TCP10L: variants seen among roughly 807,000 people sequenced by gnomAD.
The protein encoded by TCP10L is T-complex protein 10A homolog 1.
A neutral mutation model predicts 19.2 loss-of-function variants in TCP10L; 11 were observed. The observed-to-expected ratio is 0.57, with a 90% CI of 0.36 to 0.95. The LOEUF is 0.95. Among genes scored for constraint, TCP10L ranks in the 40% least tolerant of loss-of-function variants. The pLI is 0.01. For synonymous variants in TCP10L, 96 were observed against 97.2 expected (o/e 0.99, Z 0.07); for missense variants, 247 against 263.9 (o/e 0.94, Z 0.44).
At position 32,578,175 on chromosome 21, in the gene TCP10L, T is replaced by C. The variant is rs1174800968; in HGVS notation, c.498+519A>G. Among the ~76,000 whole-genome samples the C allele has an allele frequency of 6.6e-6, 1 of 152,254 alleles. No homozygotes were observed. The highest frequency in any genetic ancestry group is 1.5e-5 in the Non-Finnish European group (1 of 68,044). On this transcript the variant is annotated intron_variant, in intron 4 of 4. Coordinates refer to ENST00000300258, the MANE Select transcript of TCP10L (RefSeq NM_144659.7). The surrounding 1 kb of genome is among the most constrained non-coding windows in gnomAD (Gnocchi z 4.2). ...CAGAGATTTTGTTTGTGGCCAGTTTTGGGGCCAGTTTATGGCCAGATCTGG... is the reference window on the plus strand; with the variant it reads ...CAGAGATTTTGTTTGTGGCCAGTTTCGGGGCCAGTTTATGGCCAGATCTGG...
At position 32,583,024 on chromosome 21, in the gene TCP10L, C is replaced by CTTTTTTTT. The variant is rs59972145; in HGVS notation, c.145-617_145-610dup. The stretch of plus-strand genomic sequence containing the variant: ...GCAAAAAGAGGCTGGCATTCTTTTC[C>CTTTTTTTT]TTTTTTTTTTTTTTTTTTTTTTTTT... On this transcript the variant is annotated intron_variant, in intron 2 of 4. Coordinates refer to ENST00000300258, the MANE Select transcript of TCP10L (RefSeq NM_144659.7). Among the ~76,000 whole-genome samples the CTTTTTTTT allele has an allele frequency of 7.4e-5, 7 of 94,800 alleles. 1 individual carries two copies. Among genetic ancestry groups the CTTTTTTTT allele is most frequent in the Admixed American group, 2.3e-4 (2 of 8,550 alleles). 62.2% of individuals were successfully genotyped at this position (94,800 alleles called of 152,430 possible). A position where few individuals can be genotyped will look rare whatever the true frequency, so the allele number is the denominator to read the frequency against.
Position 32,576,880 on chromosome 21 carries a change from GGT to G in TCP10L, c.540_541del (p.Pro181ThrfsTer5). ...ATTTTTATCTCTATTTTCCTGTGGTGGTGTTTTCCACGAGCTAATTCTTTCTA... is the reference window on the plus strand; with the variant it reads ...ATTTTTATCTCTATTTTCCTGTGGTGGTTTTCCACGAGCTAATTCTTTCTA... On this transcript the variant is annotated frameshift_variant, in exon 5 of 5. Transcript: ENST00000300258. LOFTEE classifies it low-confidence loss of function (END_TRUNC). 6.2e-7 allele frequency: 1 copy of G among 1,614,028 alleles called. No individual in the cohort carries two copies. Among genetic ancestry groups the G allele is most frequent in the Non-Finnish European group, 8.5e-7 (1 of 1,179,994 alleles).
At chr21:32,577,191 T>C (rs2146523524) in intron 4 of TCP10L, among the ~76,000 whole-genome samples, 1 of 152,346 alleles carries the variant, frequency 6.6e-6, no homozygotes, top group African/African-American at 2.4e-5. Context: ...AAATGCATAA[T>C]AAAAATAATT....
Position 32,576,356 on chromosome 21 carries a change from C to A in TCP10L, c.*418G>T. 7.3e-7 allele frequency: 1 copy of A among 1,374,900 alleles called. No individual in the cohort carries two copies. Among genetic ancestry groups the A allele is most frequent in the Non-Finnish European group, 1.0e-6 (1 of 993,716 alleles). The allele number at this position is 1,374,900 out of a possible 1,614,324, so 85.2% of individuals were successfully genotyped here. ...AATGACAGTCACAGGCCCGCCTTGTCACAAGGTCCCTGGAGCGGGCAATGC... is the reference window on the plus strand; with the variant it reads ...AATGACAGTCACAGGCCCGCCTTGTAACAAGGTCCCTGGAGCGGGCAATGC... On this transcript the variant is annotated 3_prime_UTR_variant, in exon 5 of 5. Coordinates refer to ENST00000300258, the MANE Select transcript of TCP10L (RefSeq NM_144659.7).
Position 32,576,348 on chromosome 21 carries a change from C to T in TCP10L, c.*426G>A, listed in dbSNP as rs559685122. The T allele has an allele frequency of 1.2e-4, 170 of 1,412,992 alleles. No individual in the cohort carries two copies. Among genetic ancestry groups the T allele is most frequent in the East Asian group, 3.2e-4 (13 of 40,936 alleles). The allele number at this position is 1,412,992 out of a possible 1,614,324, so 87.5% of individuals were successfully genotyped here. ...CCTGGGGCAATGACAGTCACAGGCC[C>T]GCCTTGTCACAAGGTCCCTGGAGCG... On this transcript the variant is annotated 3_prime_UTR_variant, in exon 5 of 5. Coordinates refer to ENST00000300258, the MANE Select transcript of TCP10L (RefSeq NM_144659.7).
At chr21:32,581,554 G>A (rs1458641331) in intron 3 of TCP10L, among the ~76,000 whole-genome samples, 2 of 152,082 alleles carry the variant, frequency 1.3e-5, no homozygotes, top group Admixed American at 6.5e-5. Context: ...AGACACTGCC[G>A]TGGGGTCAGA....
rs897527661 is a variant in TCP10L at position 32,574,129 on chromosome 21, C to T, written c.*2645G>A. On this transcript the variant is annotated 3_prime_UTR_variant, in exon 5 of 5. Transcript: ENST00000300258. Reference sequence around the variant, plus strand: ...TAAGTTCACAGCCCAAATTTCCTGCCGTAGAGAAAATAATTTCATTTTATT... The same window carrying T: ...TAAGTTCACAGCCCAAATTTCCTGCTGTAGAGAAAATAATTTCATTTTATT... 1 of 151,490 alleles carries T rather than the reference C, an allele frequency of 6.6e-6. No homozygotes were observed. Among genetic ancestry groups the T allele is most frequent in the Non-Finnish European group, 1.5e-5 (1 of 67,904 alleles). 9.4% of individuals were successfully genotyped at this position (151,490 alleles called of 1,614,324 possible). A position where few individuals can be genotyped will look rare whatever the true frequency, so the allele number is the denominator to read the frequency against.
In TCP10L at chr21:32,578,715, A is replaced by G; in HGVS notation, c.477T>C (p.Ser159=). The G allele has an allele frequency of 6.2e-7, 1 of 1,614,126 alleles. No individual in the cohort carries two copies. The highest frequency in any genetic ancestry group is 1.1e-5 in the South Asian group (1 of 91,046). ...SATLLGQRSS[S]NNSAPPKPMS... is the part of the protein sequence containing the mutation. Reference sequence around the variant, plus strand: ...TCACCTTTGGAGGAGCTGAATTGTTAGATGACGATCTTTGTCCCAGGAGAG... The same window carrying G: ...TCACCTTTGGAGGAGCTGAATTGTTGGATGACGATCTTTGTCCCAGGAGAG... The change falls in exon 4 of 5, where the codon TCT becomes TCC. Residue 159 remains serine (S), a synonymous_variant. Transcript: ENST00000300258. The surrounding 1 kb of genome is among the most constrained non-coding windows in gnomAD (Gnocchi z 4.2).
intron 3 of TCP10L, among the ~76,000 whole-genome samples, chr21:32,580,476 C>CTGTGTGTGTGTGTGTGTGTGTGTGTG (rs3056366): frequency 7.3e-6 from 1 of 137,236 alleles, no homozygotes; most frequent in African/African-American, 2.7e-5. Flanking sequence ...CGGTGGGTGC[C>CTGTGTGTGTGTGTGTGTGTGTGTGTG]TGTGTGTGTG....
In TCP10L at chr21:32,576,379, T is replaced by C. The variant is rs1007051798; in HGVS notation, c.*395A>G. On this transcript the variant is annotated 3_prime_UTR_variant, in exon 5 of 5. Coordinates refer to ENST00000300258, the MANE Select transcript of TCP10L (RefSeq NM_144659.7). ...GTCACAAGGTCCCTGGAGCGGGCAA[T>C]GCCTTGAGCCCAAAGGCTGGGAGCA... is the stretch of plus-strand genomic sequence containing the variant. 5 of 1,177,514 alleles carry C rather than the reference T, an allele frequency of 4.2e-6. No individual in the cohort carries two copies. The Admixed American group carries it at 9.3e-5, about 22-fold the overall frequency. 72.9% of individuals were successfully genotyped at this position (1,177,514 alleles called of 1,614,324 possible). A position where few individuals can be genotyped will look rare whatever the true frequency, so the allele number is the denominator to read the frequency against.
Position 32,578,781 on chromosome 21 carries a change from C to A in TCP10L, c.411G>T (p.Glu137Asp). 6.2e-7 allele frequency: 1 copy of A among 1,614,154 alleles called. No individual in the cohort carries two copies. Among genetic ancestry groups the A allele is most frequent in the South Asian group, 1.1e-5 (1 of 91,082 alleles). ...TGTGGCCAGCGTATTTGGGTATTGT[C>A]TCTTCATCAGCTGACAGAGGTGAAA... ...GKISPLSADE[E>D]TIPKYAGHKN... Residue 137 changes from glutamate (E) to aspartate (D), a missense_variant, in exon 4 of 5, where the codon GAG (glutamate) becomes GAT (aspartate). By Grantham distance (45) the Glu-to-Asp change is conservative. Coordinates refer to ENST00000300258, the MANE Select transcript of TCP10L (RefSeq NM_144659.7). This position sits in a 1 kb window ranked among gnomAD's most constrained non-coding sequence, Gnocchi z 4.2.
Position 32,576,758 on chromosome 21 carries a change from G to A in TCP10L, c.*16C>T, listed in dbSNP as rs1281445508. 1.9e-5 allele frequency: 31 copies of A among 1,611,046 alleles called. No homozygotes were observed. Among genetic ancestry groups the A allele is most frequent in the Non-Finnish European group, 2.5e-5 (29 of 1,178,984 alleles). On this transcript the variant is annotated 3_prime_UTR_variant, in exon 5 of 5. Coordinates refer to ENST00000300258, the MANE Select transcript of TCP10L (RefSeq NM_144659.7). ...AGTGTAGAGTGACACAGGTGTCCGA[G>A]GCCACCTTTCCATCTTCAGACACCC...
Position 32,576,111 on chromosome 21 carries a change from A to C in TCP10L, c.*663T>G. The C allele has an allele frequency of 2.9e-6, 2 of 686,478 alleles. No individual in the cohort carries two copies. Among genetic ancestry groups the C allele is most frequent in the South Asian group, 2.3e-5 (1 of 43,452 alleles). The allele number at this position is 686,478 out of a possible 1,614,324, so 42.5% of individuals were successfully genotyped here. ...CACAAATTAGGCAGCTCCAGGAAGG[A>C]CATGTCCTTGCCATAGTAAGATGTT... On this transcript the variant is annotated 3_prime_UTR_variant, in exon 5 of 5. Transcript: ENST00000300258.
At chr21:32,584,119 C>A (rs759922875) in intron 2 of TCP10L, 42 bp downstream of exon 2, 12 of 1,577,532 alleles carry the variant, frequency 7.6e-6, no homozygotes, top group African/African-American at 1.3e-5. Flanking sequence ...ATCAGGGTCC[C>A]GCCTGGTGGG....
intron 3 of TCP10L, among the ~76,000 whole-genome samples, chr21:32,580,759 C>T (rs2038484645): frequency 6.6e-6 from 1 of 152,178 alleles, no homozygotes; most frequent in Non-Finnish European, 1.5e-5. Context: ...AGTGATAACA[C>T]TGGCCACATT....
At chr21:32,584,435 A>T (rs1809377948) in intron 1 of TCP10L, 130 bp from the exon 2 acceptor site, 1 of 1,331,498 alleles carries the variant, frequency 7.5e-7, no homozygotes, top group African/African-American at 1.5e-5. Flanking sequence ...CCCCTGGGTC[A>T]TGTGCACATT....
At position 32,576,742 on chromosome 21, in the gene TCP10L, T is replaced by A. The variant is rs748806968; in HGVS notation, c.*32A>T. ...AATTTTCCAAGGGGCCAGTGTAGAG[T>A]GACACAGGTGTCCGAGGCCACCTTT... On this transcript the variant is annotated 3_prime_UTR_variant, in exon 5 of 5. Coordinates refer to ENST00000300258, the MANE Select transcript of TCP10L (RefSeq NM_144659.7). The A allele has an allele frequency of 5.6e-6, 9 of 1,607,584 alleles. No homozygotes were observed. In the Middle Eastern group the frequency reaches 5.0e-4, roughly 89 times the overall value.
intron 3 of TCP10L, among the ~76,000 whole-genome samples, chr21:32,579,945 C>T (rs890634182): frequency 3.3e-5 from 5 of 152,096 alleles, no homozygotes; most frequent in Admixed American, 6.6e-5. Context: ...CAGAAGGACT[C>T]GGCGCTTTGC....
rs1192202320 is a variant in TCP10L, at chr21:32,578,497, G to A, written c.498+197C>T. 1.3e-5 allele frequency among the ~76,000 whole-genome samples: 2 copies of A among 152,252 alleles called. No homozygotes were observed. Among genetic ancestry groups the A allele is most frequent in the Non-Finnish European group, 1.5e-5 (1 of 68,050 alleles). On this transcript the variant is annotated intron_variant, in intron 4 of 4. Transcript: ENST00000300258. This position sits in a 1 kb window ranked among gnomAD's most constrained non-coding sequence, Gnocchi z 4.2. ...AAGCAGCCGGGAGGACTTGGAATCT[G>A]CTCCACAGCAAGAAGTGCTAAGGGT... is the stretch of plus-strand genomic sequence containing the variant.
Sources: allele counts gnomAD v4.1 joint callset (sites outside exome capture counted in the v4.1 genomes callset), GRCh38; gene constraint gnomAD v4.1.1; non-coding constraint Gnocchi (gnomAD v3.1); transcripts MANE v1.5; gene names NCBI Gene and HGNC (gene_info 2026-07-23, HGNC 2026-07-21).